Variants in AKAP19 observed in about 807,000 individuals in gnomAD.
The protein encoded by AKAP19 is small A-kinase anchoring protein.
the AKAP19 span, among the ~76,000 whole-genome samples, chr2:189,940,597 C>T: frequency 6.6e-6 from 1 of 151,224 alleles, no homozygotes; most frequent in East Asian, 1.9e-4. Context: ...CAAAAAAAAA[C>T]ACTCACAGGA....
the AKAP19 span, among the ~76,000 whole-genome samples, chr2:189,961,661 C>T: frequency 3.9e-5 from 6 of 151,974 alleles, no homozygotes; most frequent in African/African-American, 1.5e-4. Context: ...ACCTGTAATC[C>T]CAGCACTTTG....
the AKAP19 span, among the ~76,000 whole-genome samples, chr2:190,175,999 G>A: frequency 6.6e-6 from 1 of 152,152 alleles, no homozygotes; most frequent in Non-Finnish European, 1.5e-5. Flanking sequence ...GCCCTCACCA[G>A]AAAACCTACC....
chr2:190,083,851 A>T, the AKAP19 span, among the ~76,000 whole-genome samples: 2 of 152,126 alleles, frequency 1.3e-5, no homozygotes, highest in Non-Finnish European at 2.9e-5. Flanking sequence ...TCCTCAGAGA[A>T]GGTTTCTTTT....
At chr2:189,919,097 T>C in the AKAP19 span, among the ~76,000 whole-genome samples, 2 of 152,208 alleles carry the variant, frequency 1.3e-5, no homozygotes, top group South Asian at 4.1e-4. Flanking sequence ...TACGTAGGGT[T>C]TGGTACCCTC....
At chr2:190,195,084 G>T in the AKAP19 span, among the ~76,000 whole-genome samples, 1 of 151,964 alleles carries the variant, frequency 6.6e-6, no homozygotes, top group Non-Finnish European at 1.5e-5. Flanking sequence ...GGCTGGTCTT[G>T]AACTCCTGGG....
the AKAP19 span, among the ~76,000 whole-genome samples, chr2:189,974,897 T>C: frequency 5.9e-5 from 9 of 152,340 alleles, no homozygotes; most frequent in Admixed American, 2.6e-4. Context: ...ATGAGTCTCC[T>C]GAATACAGCA....
At chr2:190,188,286 T>A in the AKAP19 span, among the ~76,000 whole-genome samples, 3 of 152,266 alleles carry the variant, frequency 2.0e-5, no homozygotes, top group Non-Finnish European at 4.4e-5. Context: ...AGTTCTTTTG[T>A]GTATCTTGAG....
chr2:190,125,012 C>G, the AKAP19 span, among the ~76,000 whole-genome samples: 2 of 152,130 alleles, frequency 1.3e-5, no homozygotes, highest in Admixed American at 6.5e-5. Context: ...TTTTGAGGGG[C>G]AGTAACACAC....
chr2:190,133,999 AAATACATGAGGT>A, the AKAP19 span, among the ~76,000 whole-genome samples: 1 of 152,232 alleles, frequency 6.6e-6, no homozygotes, highest in Non-Finnish European at 1.5e-5. Flanking sequence ...TTTTCGTCAC[AAATACATGAGGT>A]AATACATATG....
At chr2:190,136,551 A>T in the AKAP19 span, among the ~76,000 whole-genome samples, 2 of 152,126 alleles carry the variant, frequency 1.3e-5, no homozygotes, top group African/African-American at 2.4e-5. Flanking sequence ...TGTTTGAGAT[A>T]AATTCCCCTA....
chr2:190,053,987 C>T, the AKAP19 span, among the ~76,000 whole-genome samples: 1 of 152,124 alleles, frequency 6.6e-6, no homozygotes, highest in South Asian at 2.1e-4. Context: ...TATGTTATTG[C>T]ACTTAAGGAT....
chr2:189,927,249 A>G, the AKAP19 span, among the ~76,000 whole-genome samples: 1 of 152,174 alleles, frequency 6.6e-6, no homozygotes, highest in Non-Finnish European at 1.5e-5. Flanking sequence ...CTCAGGCTGA[A>G]ATCTCAGTTC....
the AKAP19 span, among the ~76,000 whole-genome samples, chr2:190,139,590 G>A: frequency 2.0e-4 from 31 of 152,132 alleles, no homozygotes; most frequent in African/African-American, 7.2e-4. Flanking sequence ...GCATGGTGGC[G>A]GCAAGGAGTA....
the AKAP19 span, among the ~76,000 whole-genome samples, chr2:190,018,258 T>C: frequency 1.3e-5 from 2 of 152,136 alleles, no homozygotes; most frequent in African/African-American, 4.8e-5. Context: ...TTCTCTCCTG[T>C]TTCTGGAAAT....
chr2:189,998,666 A>G, the AKAP19 span, among the ~76,000 whole-genome samples: 1 of 151,610 alleles, frequency 6.6e-6, no homozygotes, highest in African/African-American at 2.4e-5. Flanking sequence ...TGAAGTTTGT[A>G]AATATTAATG....
chr2:189,979,140 A>G, the AKAP19 span, among the ~76,000 whole-genome samples: 2 of 152,168 alleles, frequency 1.3e-5, no homozygotes, highest in Admixed American at 1.3e-4. Flanking sequence ...TCTAAGCAAA[A>G]AGAACAAAGC....
chr2:190,170,757 T>C, the AKAP19 span, among the ~76,000 whole-genome samples: 2 of 152,288 alleles, frequency 1.3e-5, no homozygotes, highest in East Asian at 3.9e-4. Flanking sequence ...TGATGTATTG[T>C]GGTAAAGAGG....
the AKAP19 span, among the ~76,000 whole-genome samples, chr2:190,008,116 C>T: frequency 1.8e-4 from 28 of 152,118 alleles, no homozygotes; most frequent in Non-Finnish European, 3.4e-4. Flanking sequence ...TTACTGGTAC[C>T]GACTTTTTAA....
At chr2:189,891,560 G>A in the AKAP19 span, among the ~76,000 whole-genome samples, 1 of 151,934 alleles carries the variant, frequency 6.6e-6, no homozygotes, top group African/African-American at 2.4e-5. Flanking sequence ...ATATTGGCCC[G>A]CGCTCTCTTC....
Sources: allele counts gnomAD v4.1 joint callset (sites outside exome capture counted in the v4.1 genomes callset), GRCh38; gene constraint gnomAD v4.1.1; transcripts MANE v1.5; gene names NCBI Gene and HGNC (gene_info 2026-07-23, HGNC 2026-07-21).